The following ANKRD44 variants were observed in gnomAD, a reference collection of about 807,000 sequenced individuals.
ANKRD44 encodes ankyrin repeat domain 44, also known as serine/threonine-protein phosphatase 6 regulatory ankyrin repeat subunit B.
Under a neutral mutation model 116.0 loss-of-function variants are expected in ANKRD44, and 35 were observed. The ratio of observed to expected loss-of-function variants is 0.30; its 90% CI spans 0.23 to 0.40. The LOEUF (loss-of-function observed/expected upper bound fraction) is 0.40. Ranked by LOEUF, ANKRD44 falls within the 10% of genes least tolerant of loss-of-function variation. ANKRD44 has a pLI of 1.00. For missense variants in ANKRD44, 1,014 were observed against 1,242.6 expected, an observed-to-expected ratio of 0.82 and a Z score of 2.77; for synonymous variants, 435 against 461.8, an observed-to-expected ratio of 0.94 and a Z score of 0.74.
At chr2:197,068,394 AAAAT>A (rs2077484458) in intron 16 of ANKRD44, among the ~76,000 whole-genome samples, 2 of 140,200 alleles carry the variant, frequency 1.4e-5, no homozygotes, top group Non-Finnish European at 3.1e-5. Context: ...AAATAAAAAA[AAAAT>A]AAAAATAAAA....
At chr2:197,134,384 A>G (rs991049774) in intron 4 of ANKRD44, 1 of 152,152 alleles carries the variant, frequency 6.6e-6, no homozygotes, top group African/African-American at 2.4e-5. Context: ...CTGGCTAGTG[A>G]TTCTTTTTTC....
intron 1 of ANKRD44, among the ~76,000 whole-genome samples, chr2:197,249,728 G>T (rs1030543048): frequency 1.3e-5 from 2 of 152,236 alleles, no homozygotes; most frequent in Admixed American, 6.5e-5. Flanking sequence ...CATTTATTTT[G>T]AGAATATTTA....
intron 8 of ANKRD44, among the ~76,000 whole-genome samples, chr2:197,111,679 C>T (rs372982541): frequency 4.9e-5 from 7 of 142,318 alleles, no homozygotes; most frequent in African/African-American, 1.8e-4. Context: ...GAACCCTCTA[C>T]TATTCCCTCC....
At chr2:197,125,806 C>A in intron 5 of ANKRD44, 31 bp downstream of exon 5, 1 of 1,606,710 alleles carries the variant, frequency 6.2e-7, no homozygotes. Flanking sequence ...CTGGAGGGAG[C>A]GTTCCAATTC....
At chr2:197,175,950 C>T (rs191736952) in intron 2 of ANKRD44, among the ~76,000 whole-genome samples, 191 of 152,278 alleles carry the variant, frequency 1.3e-3, no homozygotes, top group African/African-American at 4.5e-3. Flanking sequence ...AAGTACATCA[C>T]CACCTAATGC....
chr2:197,293,868 A>T (rs1221291295), intron 1 of ANKRD44, among the ~76,000 whole-genome samples: 1 of 152,238 alleles, frequency 6.6e-6, no homozygotes, highest in African/African-American at 2.4e-5. Context: ...ATAATTACCC[A>T]GGCGGCAGCC....
chr2:197,069,705 T>C (rs1286200568), intron 16 of ANKRD44, among the ~76,000 whole-genome samples: 2 of 152,080 alleles, frequency 1.3e-5, no homozygotes, highest in Non-Finnish European at 2.9e-5. Flanking sequence ...TTTTCCCACA[T>C]TGTTCTTTTT....
At chr2:197,028,279 G>A (rs764684378) in intron 16 of ANKRD44, among the ~76,000 whole-genome samples, 4 of 152,040 alleles carry the variant, frequency 2.6e-5, no homozygotes, top group Admixed American at 6.6e-5. Flanking sequence ...CTGAAGTGTG[G>A]TGGTGTGAAC....
At position 197,083,359 on chromosome 2, in the gene ANKRD44, C is replaced by T. The variant is rs764925707; in HGVS notation, c.1457+10G>A. 8.1e-6 allele frequency: 13 copies of T among 1,610,226 alleles called. No individual in the cohort carries two copies. The highest frequency in any genetic ancestry group is 7.6e-6 in the Non-Finnish European group (9 of 1,178,494). On this transcript the variant is annotated intron_variant, in intron 14 of 27. Coordinates refer to ENST00000282272, the MANE Select transcript of ANKRD44 (RefSeq NM_001195144.2). ...GTTCCCAGAGGAAGCATGAGCAAGG[C>T]TGTTTTTACTTTCTATCCATGTCTG...
chr2:197,099,757 C>A (rs1437068472), intron 10 of ANKRD44, 59 bp downstream of exon 10: 4 of 1,603,362 alleles, frequency 2.5e-6, no homozygotes, highest in Non-Finnish European at 1.7e-6. Flanking sequence ...ACGGAAGAAT[C>A]TTTTTGGCAG....
At chr2:197,274,891 C>G (rs2083028013) in intron 1 of ANKRD44, among the ~76,000 whole-genome samples, 1 of 151,928 alleles carries the variant, frequency 6.6e-6, no homozygotes, top group South Asian at 2.1e-4. Flanking sequence ...GCCAGGAGTT[C>G]AGGATCAGCC....
At chr2:197,183,843 T>C (rs1014601102) in intron 2 of ANKRD44, among the ~76,000 whole-genome samples, 1 of 152,186 alleles carries the variant, frequency 6.6e-6, no homozygotes, top group Non-Finnish European at 1.5e-5. Context: ...CCCCTGCTTA[T>C]CTGTTGCCAC....
intron 9 of ANKRD44, among the ~76,000 whole-genome samples, chr2:197,107,361 C>T (rs1371312343): frequency 6.6e-6 from 1 of 152,154 alleles, no homozygotes; most frequent in Non-Finnish European, 1.5e-5. Flanking sequence ...AGGGGGGTGC[C>T]TAGGGCCAAT....
At chr2:197,267,857 G>C (rs192511751) in intron 1 of ANKRD44, among the ~76,000 whole-genome samples, 2 of 152,334 alleles carry the variant, frequency 1.3e-5, no homozygotes, top group African/African-American at 4.8e-5. Context: ...CAGGAACTGA[G>C]AAAGTCACCA....
intron 1 of ANKRD44, among the ~76,000 whole-genome samples, chr2:197,277,546 G>A (rs760201193): frequency 4.6e-5 from 7 of 152,190 alleles, no homozygotes; most frequent in East Asian, 1.9e-4. Context: ...CAAAGCTACT[G>A]TCTGGGATAA....
At chr2:197,094,600 T>C in intron 10 of ANKRD44, among the ~76,000 whole-genome samples, 1 of 152,240 alleles carries the variant, frequency 6.6e-6, no homozygotes, top group East Asian at 1.9e-4. Context: ...TGTGTCTAAA[T>C]TCTTTATAAT....
intron 24 of ANKRD44, 55 bp downstream of exon 24, chr2:196,998,852 A>T (rs1445445588): frequency 3.1e-6 from 5 of 1,591,488 alleles, no homozygotes; most frequent in Non-Finnish European, 3.4e-6. Flanking sequence ...TTGATTTGAC[A>T]TTATTTTGGT....
At chr2:197,063,095 G>C (rs578076748) in intron 16 of ANKRD44, among the ~76,000 whole-genome samples, 1 of 152,124 alleles carries the variant, frequency 6.6e-6, no homozygotes, top group Non-Finnish European at 1.5e-5. Context: ...CACCTCATGC[G>C]CCTGGGTATC....
intron 1 of ANKRD44, among the ~76,000 whole-genome samples, chr2:197,198,476 C>T (rs888935563): frequency 4.6e-5 from 7 of 152,064 alleles, no homozygotes; most frequent in Non-Finnish European, 4.4e-5. Context: ...AAGCATTCTT[C>T]TGGTGGTAAT....
Sources: allele counts gnomAD v4.1 joint callset (sites outside exome capture counted in the v4.1 genomes callset), GRCh38; gene constraint gnomAD v4.1.1; transcripts MANE v1.5; gene names NCBI Gene and HGNC (gene_info 2026-07-23, HGNC 2026-07-21).